Variants in CSNK1G1 observed in about 807,000 individuals in gnomAD.
CSNK1G1 encodes casein kinase 1 gamma 1, also known as casein kinase I isoform gamma-1.
A neutral mutation model predicts 59.6 loss-of-function variants in CSNK1G1; 22 were observed. That is an observed-to-expected ratio of 0.37 (90% CI 0.26 to 0.53). CSNK1G1 has a LOEUF of 0.53. Among genes scored for constraint, CSNK1G1 ranks in the 20% least tolerant of loss-of-function variants. The pLI is 0.89. For missense variants in CSNK1G1, 384 were observed against 519.5 expected (o/e 0.74, Z 2.54); for synonymous variants, 179 against 177.1 (o/e 1.01, Z -0.08).
intron 1 of CSNK1G1, among the ~76,000 whole-genome samples, chr15:64,347,115 C>T (rs114310197): frequency 0.013 from 1,901 of 152,068 alleles, 30 homozygotes; most frequent in African/African-American, 0.044. Flanking sequence ...TATTAGATAA[C>T]GAGTAAAATA....
chr15:64,191,447 C>G (rs1460951152), intron 10 of CSNK1G1, among the ~76,000 whole-genome samples: 1 of 152,106 alleles, frequency 6.6e-6, no homozygotes, highest in African/African-American at 2.4e-5. Context: ...TAAGAAAACC[C>G]TGGACAGCTG....
chr15:64,215,388 A>G (rs919032503), intron 5 of CSNK1G1, among the ~76,000 whole-genome samples: 1 of 151,344 alleles, frequency 6.6e-6, no homozygotes, highest in Admixed American at 6.6e-5. Context: ...AATTTTTTGT[A>G]TTTTTAGTAG....
At chr15:64,223,086 C>G (rs1352440987) in intron 4 of CSNK1G1, among the ~76,000 whole-genome samples, 1 of 152,130 alleles carries the variant, frequency 6.6e-6, no homozygotes, top group Non-Finnish European at 1.5e-5. Flanking sequence ...CATGCAAGTT[C>G]TACTCTGAGC....
rs12592607 is a variant in CSNK1G1, at chr15:64,168,218, A to G, written c.*3713T>C. On this transcript the variant is annotated 3_prime_UTR_variant, in exon 12 of 12. Transcript: ENST00000303052. ...TAAAATGGGATTTTAACTGGAAGCT[A>G]ATCTTGTACCTTCCTAGACCCTGTT... is the stretch of plus-strand genomic sequence containing the variant. The G allele has an allele frequency of 6.6e-6, 1 of 152,656 alleles. No individual in the cohort carries two copies. Among genetic ancestry groups the G allele is most frequent in the Non-Finnish European group, 1.5e-5 (1 of 68,042 alleles). 9.5% of individuals were successfully genotyped at this position (152,656 alleles called of 1,614,324 possible). A position where few individuals can be genotyped will look rare whatever the true frequency, so the allele number is the denominator to read the frequency against.
Position 64,305,763 on chromosome 15 carries a change from G to A in CSNK1G1, c.-224-5040C>T, listed in dbSNP as rs1326720020. Among the ~76,000 whole-genome samples, 3 of 81,360 alleles carry A rather than the reference G, an allele frequency of 3.7e-5. No individual in the cohort carries two copies. In the East Asian group the frequency reaches 1.2e-3, roughly 32 times the overall value. 53.4% of individuals were successfully genotyped at this position (81,360 alleles called of 152,430 possible). Reference sequence around the variant, plus strand: ...ATAAAGCTACAGTACTCAAGACAGTGTGATATTGCAAAAAAAAAAAAACAC... The same window carrying A: ...ATAAAGCTACAGTACTCAAGACAGTATGATATTGCAAAAAAAAAAAAACAC... On this transcript the variant is annotated intron_variant, in intron 1 of 11. Transcript: ENST00000303052.
At chr15:64,185,717 A>G (rs1347725158) in intron 10 of CSNK1G1, among the ~76,000 whole-genome samples, 2 of 152,074 alleles carry the variant, frequency 1.3e-5, no homozygotes, top group Non-Finnish European at 2.9e-5. Context: ...TCCAAAAATT[A>G]GCTGGGTGTG....
intron 10 of CSNK1G1, among the ~76,000 whole-genome samples, chr15:64,190,577 G>A (rs2081957275): frequency 6.6e-6 from 1 of 152,000 alleles, no homozygotes; most frequent in African/African-American, 2.4e-5. Flanking sequence ...ACCATGCCTG[G>A]CTAATTTTGT....
chr15:64,282,690 G>A (rs878890493), intron 2 of CSNK1G1, among the ~76,000 whole-genome samples: 3 of 152,074 alleles, frequency 2.0e-5, no homozygotes, highest in Admixed American at 2.0e-4. Flanking sequence ...ATTTCTTCAG[G>A]TGATAAACAT....
rs1180858166 is a variant in CSNK1G1 at position 64,173,605 on chromosome 15, C to CTTTCT, written c.1215-1625_1215-1621dup. ...ACAAATGGTGTTTTTTGGTGTTTTT[C>CTTTCT]TTTCTTTTCTTTTCTTTTTTTTTTT... On this transcript the variant is annotated intron_variant, in intron 11 of 11. Coordinates refer to ENST00000303052, the MANE Select transcript of CSNK1G1 (RefSeq NM_022048.5). 2.4e-3 allele frequency among the ~76,000 whole-genome samples: 333 copies of CTTTCT among 137,008 alleles called. 2 individuals are homozygous for CTTTCT. Among genetic ancestry groups the CTTTCT allele is most frequent in the African/African-American group, 8.5e-3 (317 of 37,414 alleles). The allele number at this position is 137,008 out of a possible 152,430, so 89.9% of individuals were successfully genotyped here. A position where few individuals can be genotyped will look rare whatever the true frequency, so the allele number is the denominator to read the frequency against.
At chr15:64,314,157 G>T (rs1160625033) in intron 1 of CSNK1G1, among the ~76,000 whole-genome samples, 1 of 152,172 alleles carries the variant, frequency 6.6e-6, no homozygotes, top group African/African-American at 2.4e-5. Context: ...CCAGGCTGGA[G>T]TGTAGTGCCT....
intron 4 of CSNK1G1, among the ~76,000 whole-genome samples, chr15:64,222,525 T>G (rs2082404501): frequency 6.6e-6 from 1 of 150,806 alleles, no homozygotes; most frequent in African/African-American, 2.4e-5. Context: ...TCCTTCTAGC[T>G]ACCTTCTGGG....
At chr15:64,313,899 C>T (rs1896131453) in intron 1 of CSNK1G1, among the ~76,000 whole-genome samples, 1 of 149,440 alleles carries the variant, frequency 6.7e-6, no homozygotes, top group African/African-American at 2.5e-5. Context: ...AATAACTATT[C>T]AGTGAGTGCC....
chr15:64,313,537 G>A (rs1187288515), intron 1 of CSNK1G1, among the ~76,000 whole-genome samples: 2 of 152,056 alleles, frequency 1.3e-5, no homozygotes, highest in African/African-American at 4.8e-5. Flanking sequence ...ATTCATAAGT[G>A]GGAGCTGAAC....
At chr15:64,340,989 C>CT (rs908101815) in intron 1 of CSNK1G1, among the ~76,000 whole-genome samples, 121 of 10,518 alleles carry the variant, frequency 0.012, 38 homozygotes, top group African/African-American at 0.017. Context: ...TAATTTTTAT[C>CT]TTTTTTTTTT....
Position 64,175,695 on chromosome 15 carries a change from C to T in CSNK1G1, c.1215-3710G>A, listed in dbSNP as rs1306970174. Among the ~76,000 whole-genome samples, 3 of 152,280 alleles carry T rather than the reference C, an allele frequency of 2.0e-5. No individual in the cohort carries two copies. In the East Asian group the frequency reaches 5.8e-4, roughly 29 times the overall value. On this transcript the variant is annotated intron_variant, in intron 11 of 11. Transcript: ENST00000303052. ...AAGACAATAAACAAAAACAAAACAA[C>T]TCTCAAAACAACAACAACAAAACAT...
chr15:64,341,829 T>G (rs2140476634), intron 1 of CSNK1G1, among the ~76,000 whole-genome samples: 1 of 152,260 alleles, frequency 6.6e-6, no homozygotes, highest in African/African-American at 2.4e-5. Context: ...GACTATCTAC[T>G]CTAAAATCTA....
intron 2 of CSNK1G1, among the ~76,000 whole-genome samples, chr15:64,273,673 G>A (rs146547814): frequency 6.6e-6 from 1 of 150,888 alleles, no homozygotes; most frequent in East Asian, 1.9e-4. Flanking sequence ...GGCCACACTG[G>A]AAGAATTGTC....
intron 1 of CSNK1G1, among the ~76,000 whole-genome samples, chr15:64,352,693 C>T (rs1269914586): frequency 6.6e-6 from 1 of 151,148 alleles, no homozygotes; most frequent in Non-Finnish European, 1.5e-5. Flanking sequence ...GATCCGCCCA[C>T]CTCGGCCTCC....
chr15:64,182,145 C>T (rs1008952937), intron 10 of CSNK1G1, among the ~76,000 whole-genome samples: 4 of 142,698 alleles, frequency 2.8e-5, no homozygotes, highest in African/African-American at 1.0e-4. Context: ...CTCACTGCAA[C>T]CTCTACCTCC....
Sources: allele counts gnomAD v4.1 joint callset (sites outside exome capture counted in the v4.1 genomes callset), GRCh38; gene constraint gnomAD v4.1.1; transcripts MANE v1.5; gene names NCBI Gene and HGNC (gene_info 2026-07-23, HGNC 2026-07-21).